CDH18: variants seen among roughly 807,000 people sequenced by gnomAD.
CDH18 encodes the protein cadherin-18.
Under a neutral mutation model 67.9 loss-of-function variants are expected in CDH18, and 31 were observed. The observed-to-expected ratio is 0.46, with a 90% CI of 0.34 to 0.62. The LOEUF (loss-of-function observed/expected upper bound fraction) is 0.62. Ranked by LOEUF, CDH18 falls within the 20% of genes least tolerant of loss-of-function variation. The pLI is 0.01. For synonymous variants in CDH18, 362 were observed against 347.2 expected, an observed-to-expected ratio of 1.04 and a Z score of -0.48; for missense variants, 890 against 975.5, an observed-to-expected ratio of 0.91 and a Z score of 1.17.
chr5:19,964,178 A>G (rs1797198004), intron 2 of CDH18, among the ~76,000 whole-genome samples: 1 of 152,186 alleles, frequency 6.6e-6, no homozygotes, highest in Non-Finnish European at 1.5e-5. Context: ...CTAGAACATG[A>G]TATAAAAAAG....
chr5:20,481,425 A>G (rs1348295213), intron 1 of CDH18, among the ~76,000 whole-genome samples: 2 of 152,122 alleles, frequency 1.3e-5, no homozygotes, highest in African/African-American at 2.4e-5. Context: ...GAAAATCAAC[A>G]AAAACATATC....
At chr5:20,443,839 T>C (rs1030829473) in intron 1 of CDH18, among the ~76,000 whole-genome samples, 1 of 151,910 alleles carries the variant, frequency 6.6e-6, no homozygotes, top group African/African-American at 2.4e-5. Flanking sequence ...TCTATCATTC[T>C]CAATATACCT....
intron 4 of CDH18, among the ~76,000 whole-genome samples, chr5:19,724,242 A>C (rs1211420900): frequency 6.6e-6 from 1 of 152,170 alleles, no homozygotes; most frequent in East Asian, 1.9e-4. Flanking sequence ...GAATCAACTA[A>C]ATGAAAATTA....
chr5:20,151,209 G>C (rs1751070784), intron 2 of CDH18, among the ~76,000 whole-genome samples: 1 of 151,892 alleles, frequency 6.6e-6, no homozygotes, highest in Non-Finnish European at 1.5e-5. Context: ...TCAATGTTTA[G>C]CTTCCACTTA....
At chr5:20,333,970 A>T (rs1277088487) in intron 1 of CDH18, among the ~76,000 whole-genome samples, 1 of 152,124 alleles carries the variant, frequency 6.6e-6, no homozygotes, top group Non-Finnish European at 1.5e-5. Flanking sequence ...AAGATGTTAA[A>T]TGAATTTAAA....
At chr5:20,164,389 C>T (rs1011152354) in intron 2 of CDH18, among the ~76,000 whole-genome samples, 1 of 152,008 alleles carries the variant, frequency 6.6e-6, no homozygotes, top group Non-Finnish European at 1.5e-5. Context: ...CAGGTTCAAG[C>T]GACTCTCCTG....
At chr5:20,542,031 A>T (rs1703063) in intron 1 of CDH18, among the ~76,000 whole-genome samples, 1 of 151,824 alleles carries the variant, frequency 6.6e-6, no homozygotes, top group Admixed American at 6.6e-5. Context: ...CTGCAACCTC[A>T]GCCTCCCAGG....
chr5:20,456,252 G>A (rs1303348136), intron 1 of CDH18, among the ~76,000 whole-genome samples: 1 of 151,944 alleles, frequency 6.6e-6, no homozygotes, highest in Non-Finnish European at 1.5e-5. Flanking sequence ...TTTAATGAAT[G>A]GAGAAATAAA....
At chr5:19,733,240 T>C (rs987388029) in intron 4 of CDH18, among the ~76,000 whole-genome samples, 1 of 152,328 alleles carries the variant, frequency 6.6e-6, no homozygotes, top group East Asian at 1.9e-4. Context: ...CTCTTTGTAG[T>C]GCTTTCCTTT....
intron 2 of CDH18, among the ~76,000 whole-genome samples, chr5:19,875,362 T>C (rs1786822038): frequency 6.6e-6 from 1 of 152,086 alleles, no homozygotes. Context: ...CCAGGCTTTG[T>C]ACTTGAAAAT....
At chr5:19,657,474 G>A (rs1012871466) in intron 5 of CDH18, among the ~76,000 whole-genome samples, 1 of 151,560 alleles carries the variant, frequency 6.6e-6, no homozygotes, top group Non-Finnish European at 1.5e-5. Flanking sequence ...AGAAAAGAAG[G>A]GTTTTAGATA....
intron 11 of CDH18, among the ~76,000 whole-genome samples, chr5:19,489,600 T>C (rs1281552972): frequency 6.6e-6 from 1 of 152,178 alleles, no homozygotes; most frequent in Admixed American, 6.5e-5. Context: ...GTTTCTTTTG[T>C]CCTTTTTCTT....
At position 20,565,284 on chromosome 5, in the gene CDH18, T is replaced by G. The variant is rs1208986046; in HGVS notation, c.-580+10178A>C. Among the ~76,000 whole-genome samples, 3 of 29,178 alleles carry G rather than the reference T, an allele frequency of 1.0e-4. No individual in the cohort carries two copies. The African/African-American group carries it at 1.1e-3, about 11-fold the overall frequency. 19.1% of individuals were successfully genotyped at this position (29,178 alleles called of 152,430 possible). A position where few individuals can be genotyped will look rare whatever the true frequency, so the allele number is the denominator to read the frequency against. On this transcript the variant is annotated intron_variant, in intron 1 of 14. Coordinates refer to the CDH18 transcript ENST00000507958. ...CAGGTTTCTGATCATAGACCTAAAG[T>G]TGTTGTTGTTGTTGTTGTATATACT...
Position 20,111,551 on chromosome 5 carries a change from T to C in CDH18, c.-517-119537A>G, listed in dbSNP as rs572665052. On this transcript the variant is annotated intron_variant, in intron 2 of 14. Coordinates refer to the CDH18 transcript ENST00000507958. ...CCTTCCTTCCTTCCTTCTTTCTTTTTTTTTTTTTTTTTTTTTTCCAGAGCC... is the reference window on the plus strand; with the variant it reads ...CCTTCCTTCCTTCCTTCTTTCTTTTCTTTTTTTTTTTTTTTTTCCAGAGCC... 2.2e-3 allele frequency among the ~76,000 whole-genome samples: 300 copies of C among 135,236 alleles called. 2 individuals are homozygous for C. The highest frequency in any genetic ancestry group is 7.8e-3 in the African/African-American group (279 of 35,790). The allele number at this position is 135,236 out of a possible 152,430, so 88.7% of individuals were successfully genotyped here. A position where few individuals can be genotyped will look rare whatever the true frequency, so the allele number is the denominator to read the frequency against.
chr5:20,525,760 G>T (rs906767506), intron 1 of CDH18, among the ~76,000 whole-genome samples: 4 of 151,724 alleles, frequency 2.6e-5, no homozygotes, highest in Admixed American at 6.6e-5. Context: ...CTTAAGGTAT[G>T]AGGTAAACAT....
At position 19,838,994 on chromosome 5, in the gene CDH18, T is replaced by C. The variant is rs560727731; in HGVS notation, c.-8A>G. The C allele has an allele frequency of 1.2e-6, 2 of 1,605,060 alleles. No individual in the cohort carries two copies. The highest frequency in any genetic ancestry group is 1.7e-5 in the Admixed American group (1 of 59,988). On this transcript the variant is annotated 5_prime_UTR_variant, in exon 3 of 13. Transcript: ENST00000382275. Reference sequence around the variant, plus strand: ...TGTGCTAGTAATTTTCATTGTAAGATAACTTTCCAGTTCACAGTTTTCCTT... The same window carrying C: ...TGTGCTAGTAATTTTCATTGTAAGACAACTTTCCAGTTCACAGTTTTCCTT...
intron 5 of CDH18, among the ~76,000 whole-genome samples, chr5:19,702,268 C>T (rs1177597714): frequency 2.0e-5 from 3 of 151,308 alleles, no homozygotes; most frequent in Admixed American, 1.3e-4. Flanking sequence ...CCTGCCTCAG[C>T]CTCCTGAGTA....
intron 2 of CDH18, among the ~76,000 whole-genome samples, chr5:20,192,034 T>C (rs1242567721): frequency 6.6e-6 from 1 of 152,120 alleles, no homozygotes; most frequent in Non-Finnish European, 1.5e-5. Flanking sequence ...TTTCCTGACT[T>C]TTTAATAATT....
chr5:20,009,924 T>G (rs1000476315), intron 2 of CDH18, among the ~76,000 whole-genome samples: 8 of 152,164 alleles, frequency 5.3e-5, no homozygotes, highest in Admixed American at 4.6e-4. Flanking sequence ...TTTGGTGGGT[T>G]GAGAACTATT....
Sources: allele counts gnomAD v4.1 joint callset (sites outside exome capture counted in the v4.1 genomes callset), GRCh38; gene constraint gnomAD v4.1.1; transcripts MANE v1.5; gene names NCBI Gene and HGNC (gene_info 2026-07-23, HGNC 2026-07-21).